Variants in NMT1 observed in about 807,000 individuals in gnomAD.
NMT1 encodes glycylpeptide N-tetradecanoyltransferase 1.
A neutral mutation model predicts 63.4 loss-of-function variants in NMT1; 12 were observed. The observed-to-expected ratio is 0.19, with a 90% CI of 0.12 to 0.31. NMT1 has a LOEUF of 0.31. NMT1 is among the 10% of genes least tolerant of loss of function. The pLI, the probability that NMT1 is intolerant of heterozygous loss-of-function variation, is 1.00. For missense variants in NMT1, 432 were observed against 634.6 expected, an observed-to-expected ratio of 0.68 and a Z score of 3.43; for synonymous variants, 228 against 234.3, an observed-to-expected ratio of 0.97 and a Z score of 0.25.
intron 2 of NMT1, among the ~76,000 whole-genome samples, chr17:45,082,889 C>T (rs2054025694): frequency 6.6e-6 from 1 of 151,986 alleles, no homozygotes; most frequent in South Asian, 2.1e-4. Flanking sequence ...TGGTGGCAGG[C>T]GCCTGTAATC....
At chr17:45,063,497 T>C (rs1039905210) in intron 1 of NMT1, among the ~76,000 whole-genome samples, 2 of 152,172 alleles carry the variant, frequency 1.3e-5, no homozygotes, top group African/African-American at 4.8e-5. Context: ...CTTTGCTCTT[T>C]TTGTAGTTGC....
intron 1 of NMT1, among the ~76,000 whole-genome samples, chr17:45,066,832 C>T (rs1057371670): frequency 2.1e-5 from 3 of 141,672 alleles, no homozygotes; most frequent in Non-Finnish European, 4.8e-5. Context: ...CCCACCTCAG[C>T]CTCCCAAGTA....
At position 45,106,383 on chromosome 17, in the gene NMT1, T is replaced by G. The variant is rs1365847420; in HGVS notation, c.*744T>G. 1 of 152,710 alleles carries G rather than the reference T, an allele frequency of 6.5e-6. No homozygotes were observed. 9.5% of individuals were successfully genotyped at this position (152,710 alleles called of 1,614,324 possible). On this transcript the variant is annotated 3_prime_UTR_variant, in exon 12 of 12. Transcript: ENST00000258960. Reference sequence around the variant, plus strand: ...CAGACCTCATTGATTGAGTCCTTTCTTCCATCCCCTTGGCCTGCTCCCTGT... The same window carrying G: ...CAGACCTCATTGATTGAGTCCTTTCGTCCATCCCCTTGGCCTGCTCCCTGT...
At chr17:45,061,666 T>C in intron 1 of NMT1, 2 of 525,394 alleles carry the variant, frequency 3.8e-6, no homozygotes, top group Non-Finnish European at 6.8e-6. Flanking sequence ...AGACGTTCAG[T>C]ACTTTTATTA....
At chr17:45,070,947 G>A (rs1190086514) in intron 1 of NMT1, among the ~76,000 whole-genome samples, 4 of 152,188 alleles carry the variant, frequency 2.6e-5, no homozygotes, top group Non-Finnish European at 5.9e-5. Context: ...GTGGGAATGT[G>A]CGGAGTTGGG....
chr17:45,065,577 T>C (rs1003399287), intron 1 of NMT1, among the ~76,000 whole-genome samples: 6 of 147,736 alleles, frequency 4.1e-5, no homozygotes, highest in African/African-American at 1.3e-4. Flanking sequence ...TGAGCCGAGA[T>C]TGCGCCATTG....
chr17:45,084,806 T>G (rs1475020521), intron 2 of NMT1, among the ~76,000 whole-genome samples: 1 of 152,052 alleles, frequency 6.6e-6, no homozygotes, highest in East Asian at 1.9e-4. Flanking sequence ...CAGGAGCTAC[T>G]CTCATACACT....
At position 45,105,808 on chromosome 17, in the gene NMT1, C is replaced by T. The variant is rs114271764; in HGVS notation, c.*169C>T. The stretch of plus-strand genomic sequence containing the variant: ...GAACTTGACAATTGTATTGCGATGG[C>T]GTGGGCTGCGTGACGTCACCTCCGG... On this transcript the variant is annotated 3_prime_UTR_variant, in exon 12 of 12. Transcript: ENST00000258960. The surrounding 1 kb of genome is among the most constrained non-coding windows in gnomAD (Gnocchi z 4.2). 14 of 605,424 alleles carry T rather than the reference C, an allele frequency of 2.3e-5. No individual in the cohort carries two copies. The highest frequency in any genetic ancestry group is 3.8e-5 in the African/African-American group (2 of 53,106). The allele number at this position is 605,424 out of a possible 1,614,324, so 37.5% of individuals were successfully genotyped here.
At chr17:45,074,868 C>T (rs771850536) in intron 1 of NMT1, among the ~76,000 whole-genome samples, 15 of 152,196 alleles carry the variant, frequency 9.9e-5, no homozygotes, top group African/African-American at 2.2e-4. Context: ...TGTGCCGAAT[C>T]GCAGCATGCC....
chr17:45,081,509 C>G (rs551067466), intron 1 of NMT1, 135 bp from the exon 2 acceptor site: 14 of 753,426 alleles, frequency 1.9e-5, no homozygotes, highest in Non-Finnish European at 3.1e-5. Context: ...CTTTCTGGAC[C>G]TGGGTTCTTC....
intron 7 of NMT1, 27 bp downstream of exon 7, chr17:45,098,579 A>C: frequency 2.5e-6 from 4 of 1,607,984 alleles, no homozygotes; most frequent in East Asian, 2.2e-5. Context: ...GTAAGGCCCC[A>C]AAAATGCGGG....
intron 1 of NMT1, among the ~76,000 whole-genome samples, chr17:45,072,950 A>G (rs753479135): frequency 4.6e-5 from 7 of 152,180 alleles, no homozygotes; most frequent in Non-Finnish European, 8.8e-5. Flanking sequence ...ATAGAATATT[A>G]ACACAGCTGT....
chr17:45,072,725 A>G (rs1567862514), intron 1 of NMT1, among the ~76,000 whole-genome samples: 2 of 149,054 alleles, frequency 1.3e-5, no homozygotes, highest in Admixed American at 6.8e-5. Flanking sequence ...ATGCCTGCCT[A>G]ATTTTTTGCG....
Position 45,107,178 on chromosome 17 carries a change from CA to C in NMT1, c.*1540del, listed in dbSNP as rs2054207868. ...CTCACCGAAGCCACTTTCTACAGGC[CA>C]GCAGGGGCTTGTTGCAGGCTGTGGG... is the stretch of plus-strand genomic sequence containing the variant. On this transcript the variant is annotated 3_prime_UTR_variant, in exon 12 of 12. Coordinates refer to ENST00000258960, the MANE Select transcript of NMT1 (RefSeq NM_021079.5). 6.6e-6 allele frequency: 1 copy of C among 152,238 alleles called. No individual in the cohort carries two copies. Among genetic ancestry groups the C allele is most frequent in the South Asian group, 2.1e-4 (1 of 4,828 alleles). 9.4% of individuals were successfully genotyped at this position (152,238 alleles called of 1,614,324 possible). A position where few individuals can be genotyped will look rare whatever the true frequency, so the allele number is the denominator to read the frequency against.
chr17:45,067,030 G>GT (rs1376018514), intron 1 of NMT1, among the ~76,000 whole-genome samples: 1 of 152,048 alleles, frequency 6.6e-6, no homozygotes, highest in Non-Finnish European at 1.5e-5. Context: ...GGTTTTGTTT[G>GT]TTTTTTTACT....
At chr17:45,066,642 G>A (rs2053904639) in intron 1 of NMT1, among the ~76,000 whole-genome samples, 1 of 151,936 alleles carries the variant, frequency 6.6e-6, no homozygotes, top group African/African-American at 2.4e-5. Context: ...AGGTATACAT[G>A]CATACATATG....
intron 1 of NMT1, among the ~76,000 whole-genome samples, chr17:45,064,449 G>A (rs1476104399): frequency 6.6e-6 from 1 of 152,176 alleles, no homozygotes; most frequent in Admixed American, 6.6e-5. Flanking sequence ...ACTTTGAGAG[G>A]AAATGGTTTT....
rs1367597325 is a variant in NMT1 at position 45,098,314 on chromosome 17, G to A, written c.714-68G>A. On this transcript the variant is annotated intron_variant, in intron 6 of 11. Transcript: ENST00000258960. ...CTGGTCCTTCTAGGTGTGGCTGCAC[G>A]TGCTTGATGGGATCACCATTCCCTT... 23 of 1,497,696 alleles carry A rather than the reference G, an allele frequency of 1.5e-5. No homozygotes were observed. In the East Asian group the frequency reaches 2.5e-4, roughly 16 times the overall value. 92.8% of individuals were successfully genotyped at this position (1,497,696 alleles called of 1,614,324 possible). A position where few individuals can be genotyped will look rare whatever the true frequency, so the allele number is the denominator to read the frequency against.
At chr17:45,100,862 C>CAAAAAAAAAAAAAAA (rs71136069) in intron 8 of NMT1, among the ~76,000 whole-genome samples, 1 of 32,594 alleles carries the variant, frequency 3.1e-5, no homozygotes, top group Non-Finnish European at 5.0e-5. Flanking sequence ...GACTCCGTCT[C>CAAAAAAAAAAAAAAA]AAAAAAAAAA....
Sources: gnomAD v4.1 joint callset for allele counts (sites outside exome capture counted in the v4.1 genomes callset) on GRCh38, gnomAD v4.1.1 for gene constraint, Gnocchi (gnomAD v3.1) non-coding constraint, MANE v1.5 for transcripts, NCBI Gene and HGNC (gene_info 2026-07-23, HGNC 2026-07-21) for gene names.